Variants in ROBO1 observed in about 807,000 individuals in gnomAD.
ROBO1 encodes the protein roundabout homolog 1.
A neutral mutation model predicts 195.9 loss-of-function variants in ROBO1; 149 were observed. The observed-to-expected ratio is 0.76, with a 90% CI of 0.67 to 0.87. ROBO1 has a LOEUF of 0.87. Among genes scored for constraint, ROBO1 ranks in the 40% least tolerant of loss-of-function variants. ROBO1 has a pLI of 0.00. For synonymous variants in ROBO1, 816 were observed against 733.2 expected (o/e 1.11, Z -1.82); for missense variants, 1,933 against 2,068.3 (o/e 0.93, Z 1.27).
intron 2 of ROBO1, chr3:79,512,967 C>T (rs1940782149): frequency 1.3e-5 from 2 of 152,066 alleles, no homozygotes; most frequent in Admixed American, 1.3e-4. Flanking sequence ...TTGTATCAAG[C>T]ACAATGAATC....
At chr3:79,393,894 CGG>C (rs1179526609) in intron 2 of ROBO1, among the ~76,000 whole-genome samples, 1 of 151,864 alleles carries the variant, frequency 6.6e-6, no homozygotes, top group Non-Finnish European at 1.5e-5. Context: ...TCTGTGAAGA[CGG>C]GGCCAGGCTT....
At chr3:79,071,821 T>C (rs892862311) in intron 3 of ROBO1, among the ~76,000 whole-genome samples, 3 of 151,810 alleles carry the variant, frequency 2.0e-5, no homozygotes, top group African/African-American at 7.2e-5. Context: ...GAGTATTTTT[T>C]TTTGGTAAAT....
chr3:79,765,616 G>A lies in ROBO1; in HGVS notation c.-51+2136C>T, dbSNP rs182196258. 2.3e-3 allele frequency among the ~76,000 whole-genome samples: 350 copies of A among 152,288 alleles called. 2 individuals are homozygous for A. The highest frequency in any genetic ancestry group is 8.0e-3 in the African/African-American group (332 of 41,564). On this transcript the variant is annotated intron_variant, in intron 1 of 30. Coordinates refer to ENST00000464233, the MANE Select transcript of ROBO1 (RefSeq NM_002941.4). Reference sequence around the variant, plus strand: ...AGTTTGGGCCTGAAAACCCAGTTATGAGGCTTCCAAATAAATCAGTGGATT... The same window carrying A: ...AGTTTGGGCCTGAAAACCCAGTTATAAGGCTTCCAAATAAATCAGTGGATT...
At chr3:79,237,564 T>G (rs1375559168) in intron 2 of ROBO1, among the ~76,000 whole-genome samples, 1 of 152,040 alleles carries the variant, frequency 6.6e-6, no homozygotes, top group Non-Finnish European at 1.5e-5. Flanking sequence ...AAAATACTCA[T>G]GGGTAAAGAG....
chr3:79,213,076 T>C (rs937314239), intron 2 of ROBO1, among the ~76,000 whole-genome samples: 2 of 151,608 alleles, frequency 1.3e-5, no homozygotes, highest in Non-Finnish European at 2.9e-5. Context: ...AAACCCCATC[T>C]CTACTAAAAA....
Position 78,657,921 on chromosome 3 carries a change from C to T in ROBO1, c.2443-652G>A, listed in dbSNP as rs114772420. 9.0e-3 allele frequency among the ~76,000 whole-genome samples: 1,365 copies of T among 152,308 alleles called. 25 individuals are homozygous for T. The highest frequency in any genetic ancestry group is 0.031 in the African/African-American group (1,296 of 41,562). ...AGCCTCATCTCAGGATTTTATTCAA[C>T]CTCTGGTACACTGAACTATATTATC... On this transcript the variant is annotated intron_variant, in intron 17 of 30. Coordinates refer to ENST00000464233, the MANE Select transcript of ROBO1 (RefSeq NM_002941.4).
intron 2 of ROBO1, among the ~76,000 whole-genome samples, chr3:79,477,710 T>C (rs1011092798): frequency 1.3e-5 from 2 of 152,154 alleles, no homozygotes; most frequent in Non-Finnish European, 2.9e-5. Context: ...CATAGGCAAA[T>C]GAAATACATA....
chr3:79,439,652 A>C (rs1386358984), intron 2 of ROBO1, among the ~76,000 whole-genome samples: 1 of 152,158 alleles, frequency 6.6e-6, no homozygotes, highest in Non-Finnish European at 1.5e-5. Flanking sequence ...AACATGATTT[A>C]AATGGAATTT....
At chr3:79,658,885 T>C (rs1320636307) in intron 1 of ROBO1, among the ~76,000 whole-genome samples, 3 of 151,766 alleles carry the variant, frequency 2.0e-5, no homozygotes, top group Non-Finnish European at 4.4e-5. Context: ...TACAGTCATG[T>C]GCCAGCATGT....
intron 3 of ROBO1, among the ~76,000 whole-genome samples, chr3:79,085,062 T>C (rs1025491222): frequency 3.9e-5 from 6 of 152,186 alleles, no homozygotes; most frequent in Non-Finnish European, 8.8e-5. Flanking sequence ...TCAAGACATA[T>C]ATTTTTGCAC....
chr3:79,478,306 G>A (rs1028443464), intron 2 of ROBO1, among the ~76,000 whole-genome samples: 1 of 152,070 alleles, frequency 6.6e-6, no homozygotes, highest in African/African-American at 2.4e-5. Flanking sequence ...AGCTACCTCT[G>A]ATTCTAGATG....
intron 4 of ROBO1, among the ~76,000 whole-genome samples, chr3:78,924,640 C>G (rs1413272467): frequency 4.0e-5 from 6 of 151,322 alleles, no homozygotes; most frequent in Non-Finnish European, 2.9e-5. Flanking sequence ...AATAAAATCC[C>G]TTTAAAACTG....
intron 2 of ROBO1, among the ~76,000 whole-genome samples, chr3:79,461,364 C>T (rs1169416603): frequency 1.3e-5 from 2 of 152,116 alleles, no homozygotes; most frequent in Non-Finnish European, 2.9e-5. Context: ...TGGCCTTTTG[C>T]ATCTTGAGCT....
intron 5 of ROBO1, among the ~76,000 whole-genome samples, chr3:78,738,450 C>T (rs948752280): frequency 6.6e-5 from 10 of 152,078 alleles, no homozygotes; most frequent in Non-Finnish European, 1.3e-4. Flanking sequence ...CTCCTATCTT[C>T]ATTATGGATT....
rs150003927 is a variant in ROBO1, at chr3:79,716,200, T to C, written c.-51+51552A>G. On this transcript the variant is annotated intron_variant, in intron 1 of 30. Transcript: ENST00000464233. ...ATTATATCTGATTTGTCATGAGTGCTAAGATAAATATGGTATTATTGTTTT... is the reference window on the plus strand; with the variant it reads ...ATTATATCTGATTTGTCATGAGTGCCAAGATAAATATGGTATTATTGTTTT... Among the ~76,000 whole-genome samples the C allele has an allele frequency of 4.5e-3, 685 of 152,122 alleles. 3 individuals carry two copies. Among genetic ancestry groups the C allele is most frequent in the African/African-American group, 0.015 (642 of 41,556 alleles).
chr3:79,425,564 A>G (rs2038411938), intron 2 of ROBO1, among the ~76,000 whole-genome samples: 1 of 152,130 alleles, frequency 6.6e-6, no homozygotes, highest in South Asian at 2.1e-4. Context: ...CTAGCACTGA[A>G]TTAGTAGACA....
intron 5 of ROBO1, among the ~76,000 whole-genome samples, chr3:78,735,165 T>C (rs2082366605): frequency 6.6e-6 from 1 of 152,206 alleles, no homozygotes; most frequent in Non-Finnish European, 1.5e-5. Flanking sequence ...AAGTTAAATA[T>C]CTTTCACCTC....
chr3:78,737,480 T>C (rs1398652092), intron 5 of ROBO1, among the ~76,000 whole-genome samples: 2 of 152,142 alleles, frequency 1.3e-5, no homozygotes, highest in African/African-American at 2.4e-5. Context: ...TTAACATGCA[T>C]TTTCTCGCTG....
chr3:79,579,926 C>T (rs1446601305), intron 2 of ROBO1, among the ~76,000 whole-genome samples: 2 of 152,052 alleles, frequency 1.3e-5, no homozygotes, highest in Non-Finnish European at 2.9e-5. Context: ...CTCCTCATTC[C>T]AGTTCATTGT....
Sources: allele counts gnomAD v4.1 joint callset (sites outside exome capture counted in the v4.1 genomes callset), GRCh38; gene constraint gnomAD v4.1.1; transcripts MANE v1.5; gene names NCBI Gene and HGNC (gene_info 2026-07-23, HGNC 2026-07-21).